Variants in SI observed in about 807,000 individuals in gnomAD.
SI encodes sucrase-isomaltase, intestinal.
SI carries 235 observed loss-of-function variants against 253.3 expected under a neutral mutation model. The ratio of observed to expected loss-of-function variants is 0.93; its 90% CI spans 0.83 to 1.03. SI has a LOEUF of 1.03. Among genes scored for constraint, SI ranks in the 50% least tolerant of loss-of-function variants. SI has a pLI of 0.00. For missense variants in SI, 2,442 were observed against 2,211.1 expected, an observed-to-expected ratio of 1.10 and a Z score of -2.09; for synonymous variants, 819 against 712.0, an observed-to-expected ratio of 1.15 and a Z score of -2.39.
chr3:165,031,419 T>C (rs1467372190), intron 24 of SI, among the ~76,000 whole-genome samples: 1 of 148,784 alleles, frequency 6.7e-6, no homozygotes, highest in Non-Finnish European at 1.5e-5. Context: ...TAGACCTTTA[T>C]ATTGCATACA....
chr3:165,034,524 T>C (rs1041029382), intron 22 of SI, among the ~76,000 whole-genome samples: 5 of 151,988 alleles, frequency 3.3e-5, no homozygotes, highest in African/African-American at 1.2e-4. Flanking sequence ...TGTACTAAGT[T>C]TTGGCTTACT....
intron 33 of SI, among the ~76,000 whole-genome samples, chr3:165,014,115 A>G (rs1718907596): frequency 6.6e-6 from 1 of 152,248 alleles, no homozygotes. Context: ...TAATGTTGAT[A>G]CAGTACAATC....
upstream of SI, among the ~76,000 whole-genome samples, chr3:165,078,843 T>C (rs945661006): frequency 1.3e-5 from 2 of 151,380 alleles, no homozygotes; most frequent in Admixed American, 6.6e-5. Flanking sequence ...CACTGGAGAG[T>C]AGAAACATAT....
chr3:165,004,542 A>G (rs1212366348), intron 37 of SI, among the ~76,000 whole-genome samples: 1 of 152,176 alleles, frequency 6.6e-6, no homozygotes, highest in Non-Finnish European at 1.5e-5. Context: ...AAGCACCTTT[A>G]GTGTCCATCA....
intron 7 of SI, 147 bp downstream of exon 7, chr3:165,065,114 C>A: frequency 3.5e-6 from 2 of 574,494 alleles, no homozygotes; most frequent in Non-Finnish European, 6.1e-6. Flanking sequence ...TTGTCCCTCC[C>A]AAGCTAAACA....
intron 15 of SI, among the ~76,000 whole-genome samples, chr3:165,048,351 A>G (rs1189757587): frequency 1.3e-5 from 2 of 151,732 alleles, no homozygotes; most frequent in Non-Finnish European, 2.9e-5. Context: ...AAAATTAGTT[A>G]GAAGGATATT....
In SI at chr3:165,068,686, T is replaced by C. The variant is rs757116559; in HGVS notation, c.483+36A>G. 9.5e-6 allele frequency: 14 copies of C among 1,466,106 alleles called. No individual in the cohort carries two copies. The African/African-American group carries it at 1.5e-4, about 16-fold the overall frequency. 90.8% of individuals were successfully genotyped at this position (1,466,106 alleles called of 1,614,324 possible). ...CCGCGCCCAGCCCATCAAATGTCTT[T>C]TAGTATTAAATCTTTGGAAACCTTA... is the stretch of plus-strand genomic sequence containing the variant. On this transcript the variant is annotated intron_variant, in intron 5 of 47. Transcript: ENST00000264382.
chr3:165,003,494 T>A (rs528466656), intron 37 of SI, among the ~76,000 whole-genome samples: 1 of 152,082 alleles, frequency 6.6e-6, no homozygotes, highest in African/African-American at 2.4e-5. Flanking sequence ...GTTTTATTTT[T>A]GGATTTGGTG....
At chr3:165,045,123 G>A (rs1208203089) in intron 16 of SI, among the ~76,000 whole-genome samples, 3 of 151,890 alleles carry the variant, frequency 2.0e-5, no homozygotes, top group Non-Finnish European at 4.4e-5. Flanking sequence ...AGCTTTATCT[G>A]GTTAGAACTA....
intron 13 of SI, among the ~76,000 whole-genome samples, chr3:165,050,487 C>A (rs977814299): frequency 6.6e-6 from 1 of 152,066 alleles, no homozygotes; most frequent in Non-Finnish European, 1.5e-5. Flanking sequence ...ATATTATGTT[C>A]ATGGATTTTC....
intron 37 of SI, 108 bp from the exon 38 acceptor site, chr3:164,998,781 T>C: frequency 1.1e-6 from 1 of 895,996 alleles, no homozygotes; most frequent in Non-Finnish European, 1.8e-6. Flanking sequence ...GGTGCTTATA[T>C]TGTCATTTAT....
intron 19 of SI, among the ~76,000 whole-genome samples, 176 bp from the exon 20 acceptor site, chr3:165,039,310 G>A (rs1712697498): frequency 6.6e-6 from 1 of 151,840 alleles, no homozygotes; most frequent in South Asian, 2.1e-4. Context: ...ATATCATATT[G>A]TAAAACTTAA....
At chr3:165,044,282 A>G (rs1576905945) in intron 16 of SI, among the ~76,000 whole-genome samples, 1 of 151,962 alleles carries the variant, frequency 6.6e-6, no homozygotes, top group South Asian at 2.1e-4. Context: ...TATGTAAAAA[A>G]CATATTCTTA....
Position 165,039,840 on chromosome 3 carries a change from G to A in SI, c.2244+47C>T, listed in dbSNP as rs1161553684. 6 of 1,264,748 alleles carry A rather than the reference G, an allele frequency of 4.7e-6. No individual in the cohort carries two copies. The Admixed American group carries it at 5.1e-5, about 11-fold the overall frequency. 78.3% of individuals were successfully genotyped at this position (1,264,748 alleles called of 1,614,324 possible). A position where few individuals can be genotyped will look rare whatever the true frequency, so the allele number is the denominator to read the frequency against. On this transcript the variant is annotated intron_variant, in intron 19 of 47. Transcript: ENST00000264382. The stretch of plus-strand genomic sequence containing the variant: ...TGTTTTGTAATGTAGGGTCGATTTA[G>A]TTATACAAAGTTCAAACAATAAGGT...
chr3:164,989,389 G>GAAAGA (rs1559978090), intron 44 of SI, among the ~76,000 whole-genome samples: 860 of 59,428 alleles, frequency 0.014, 16 homozygotes, highest in Non-Finnish European at 0.021. Context: ...AGAAAGAAAG[G>GAAAGA]AAGAAAGAAA....
Position 165,059,199 on chromosome 3 carries a change from T to G in SI, c.1247A>C (p.His416Pro). 6.2e-7 allele frequency: 1 copy of G among 1,612,788 alleles called. No individual in the cohort carries two copies. Among genetic ancestry groups the G allele is most frequent in the Non-Finnish European group, 8.5e-7 (1 of 1,179,268 alleles). The change falls in exon 11 of 48, where the codon CAT (histidine) becomes CCT (proline). Residue 416 changes from histidine (H) to proline (P), a missense_variant. Physicochemically the swap from His to Pro is moderately conservative, Grantham distance 77 (BLOSUM62 -2). Coordinates refer to ENST00000264382, the MANE Select transcript of SI (RefSeq NM_001041.4). Reference sequence around the variant, plus strand: ...GATGACATATTTCTGTCCATGGTCATGCAAATCTTGCACAAATTGAGGGAG... The same window carrying G: ...GATGACATATTTCTGTCCATGGTCAGGCAAATCTTGCACAAATTGAGGGAG... ...NGLPQFVQDL[H>P]DHGQKYVIIL...
At chr3:165,071,566 G>C (rs1042457464) in intron 3 of SI, among the ~76,000 whole-genome samples, 1 of 151,686 alleles carries the variant, frequency 6.6e-6, no homozygotes, top group Non-Finnish European at 1.5e-5. Context: ...TATATTCACT[G>C]TATTATGCCC....
intron 16 of SI, 39 bp downstream of exon 16, chr3:165,046,802 T>C: frequency 6.8e-7 from 1 of 1,473,926 alleles, no homozygotes; most frequent in South Asian, 1.2e-5. Context: ...TTAATGTAAT[T>C]GTAGCTTTTA....
intron 7 of SI, 135 bp from the exon 8 acceptor site, chr3:165,063,676 C>A: frequency 2.0e-6 from 1 of 493,538 alleles, no homozygotes; most frequent in Non-Finnish European, 3.7e-6. Context: ...ATTGTCTTCA[C>A]TATATGTACC....
Sources: gnomAD v4.1 joint callset for allele counts (sites outside exome capture counted in the v4.1 genomes callset) on GRCh38, gnomAD v4.1.1 for gene constraint, MANE v1.5 for transcripts, NCBI Gene and HGNC (gene_info 2026-07-23, HGNC 2026-07-21) for gene names.